The following SBF2 variants were observed in gnomAD, a reference collection of about 807,000 sequenced individuals.
SBF2 encodes myotubularin-related protein 13.
In SBF2, 112 loss-of-function variants were observed where a neutral mutation model predicts 225.2. The observed-to-expected ratio is 0.50, with a 90% CI of 0.43 to 0.58. The LOEUF (loss-of-function observed/expected upper bound fraction) is 0.58. Ranked by LOEUF, SBF2 falls within the 20% of genes least tolerant of loss-of-function variation. The pLI, the probability that SBF2 is intolerant of heterozygous loss-of-function variation, is 0.00. For missense variants in SBF2, 1,996 were observed against 2,206.2 expected (o/e 0.90, Z 1.91); for synonymous variants, 763 against 773.3 (o/e 0.99, Z 0.22).
At chr11:10,050,011 C>T (rs1419990741) in intron 2 of SBF2, among the ~76,000 whole-genome samples, 3 of 152,184 alleles carry the variant, frequency 2.0e-5, no homozygotes, top group Non-Finnish European at 4.4e-5. Context: ...TCTACCACCA[C>T]CACAAACTGC....
intron 16 of SBF2, among the ~76,000 whole-genome samples, chr11:9,901,793 T>C (rs1861739019): frequency 6.6e-6 from 1 of 152,146 alleles, no homozygotes; most frequent in South Asian, 2.1e-4. Flanking sequence ...TACAGGCATG[T>C]GCTACCACGC....
At chr11:10,128,248 G>A (rs935694766) in intron 2 of SBF2, among the ~76,000 whole-genome samples, 7 of 152,216 alleles carry the variant, frequency 4.6e-5, no homozygotes, top group African/African-American at 9.6e-5. Flanking sequence ...CTACCTTCAC[G>A]AAGTCAGGCA....
Position 9,998,164 on chromosome 11 carries a change from A to C in SBF2, c.975+102T>G, listed in dbSNP as rs183273662. ...ATGTTTCAAATATATAGCTCTCTTT[A>C]AATTAAAGTAACAAACTGCATTGAC... is the stretch of plus-strand genomic sequence containing the variant. On this transcript the variant is annotated intron_variant, in intron 9 of 39. Transcript: ENST00000256190. 120 of 720,206 alleles carry C rather than the reference A, an allele frequency of 1.7e-4. No individual in the cohort carries two copies. In the African/African-American group the frequency reaches 2.0e-3, roughly 12 times the overall value. The allele number at this position is 720,206 out of a possible 1,614,324, so 44.6% of individuals were successfully genotyped here.
intron 25 of SBF2, 35 bp from the exon 26 acceptor site, chr11:9,839,731 T>G: frequency 3.8e-6 from 6 of 1,586,218 alleles, no homozygotes; most frequent in Non-Finnish European, 4.3e-6. Context: ...AAGAAATGAT[T>G]AGCTCAAAGC....
intron 13 of SBF2, among the ~76,000 whole-genome samples, chr11:9,972,717 G>A (rs776684968): frequency 5.3e-5 from 8 of 152,106 alleles, no homozygotes; most frequent in South Asian, 2.1e-4. Context: ...TTCTGACCTC[G>A]TGATCCACCA....
chr11:9,829,489 G>C lies in SBF2; in HGVS notation c.3660C>G (p.Thr1220=). Residue 1220 remains threonine (T), a synonymous_variant, in exon 28 of 40, where the codon ACC becomes ACG. Coordinates refer to ENST00000256190, the MANE Select transcript of SBF2 (RefSeq NM_030962.4). Reference sequence around the variant, plus strand: ...TGCTACTGGAAGATTCTAAAGAGGAGGTAGGAGCTATAAAAGGAAAATATA... The same window carrying C: ...TGCTACTGGAAGATTCTAAAGAGGACGTAGGAGCTATAAAAGGAAAATATA... ...KSQNSPQAAP[T]SSLESSSSIE... The C allele has an allele frequency of 1.9e-6, 3 of 1,610,358 alleles. No individual in the cohort carries two copies. Among genetic ancestry groups the C allele is most frequent in the Non-Finnish European group, 2.5e-6 (3 of 1,176,632 alleles).
At chr11:10,021,797 T>C (rs1948869714) in intron 6 of SBF2, among the ~76,000 whole-genome samples, 1 of 152,198 alleles carries the variant, frequency 6.6e-6, no homozygotes, top group African/African-American at 2.4e-5. Flanking sequence ...GGCCTAATAT[T>C]GGCCTTTGAC....
chr11:9,994,029 A>G, intron 9 of SBF2, 31 bp from the exon 10 acceptor site: 1 of 1,154,990 alleles, frequency 8.7e-7, no homozygotes, highest in Non-Finnish European at 1.3e-6. Context: ...TATGTAAAAT[A>G]TCATAATATC....
intron 1 of SBF2, among the ~76,000 whole-genome samples, chr11:10,204,695 C>T (rs1316401699): frequency 4.0e-5 from 6 of 151,438 alleles, no homozygotes; most frequent in Non-Finnish European, 1.5e-5. Flanking sequence ...ATACATGCTA[C>T]GTATCATGGA....
At chr11:10,194,439 G>A (rs916884888) in intron 1 of SBF2, among the ~76,000 whole-genome samples, 3 of 152,074 alleles carry the variant, frequency 2.0e-5, no homozygotes, top group Admixed American at 2.0e-4. Context: ...TTTAGTATCC[G>A]TGAGGGTTCT....
chr11:10,230,850 T>A (rs1230174335), intron 1 of SBF2, among the ~76,000 whole-genome samples: 2 of 152,192 alleles, frequency 1.3e-5, no homozygotes, highest in South Asian at 4.1e-4. Flanking sequence ...AATTTGAATG[T>A]TGGCCTGCCT....
At chr11:10,045,577 G>A (rs577023850) in intron 2 of SBF2, among the ~76,000 whole-genome samples, 4 of 152,332 alleles carry the variant, frequency 2.6e-5, no homozygotes, top group East Asian at 1.9e-4. Flanking sequence ...AGGACTTGGT[G>A]ACCATTGTTT....
chr11:9,794,601 G>A lies in SBF2; in HGVS notation c.4570+1230C>T, dbSNP rs185105100. Among the ~76,000 whole-genome samples the A allele has an allele frequency of 4.2e-5, 6 of 141,988 alleles. No homozygotes were observed. The East Asian group carries it at 1.1e-3, about 26-fold the overall frequency. 93.1% of individuals were successfully genotyped at this position (141,988 alleles called of 152,430 possible). A position where few individuals can be genotyped will look rare whatever the true frequency, so the allele number is the denominator to read the frequency against. On this transcript the variant is annotated intron_variant, in intron 33 of 39. Transcript: ENST00000256190. ...AATTGCCTGAACCTGGGAAATAGAG[G>A]TTGCAGTGAGCCAAGATCGCACCAA...
chr11:10,223,399 T>TTTTATATATATATA (rs1279386744), intron 1 of SBF2, among the ~76,000 whole-genome samples: 46 of 59,244 alleles, frequency 7.8e-4, no homozygotes, highest in Non-Finnish European at 1.4e-3. Flanking sequence ...ATTTTGCACA[T>TTTTATATATATATA]TATATATATA....
rs146576767 is a variant in SBF2, at chr11:10,290,220, G to A, written c.55+3795C>T. On this transcript the variant is annotated intron_variant, in intron 1 of 39. Coordinates refer to ENST00000256190, the MANE Select transcript of SBF2 (RefSeq NM_030962.4). ...CCCTGGGGTGGAGGTGGATCCCTGG[G>A]GTGGAGCTTGTCATATTGTCATAGA... is the stretch of plus-strand genomic sequence containing the variant. Among the ~76,000 whole-genome samples, 4 of 152,174 alleles carry A rather than the reference G, an allele frequency of 2.6e-5. No homozygotes were observed. In the East Asian group the frequency reaches 5.8e-4, roughly 22 times the overall value.
chr11:9,781,422 A>G lies in SBF2; in HGVS notation c.5451+85T>C, dbSNP rs540495601. The stretch of plus-strand genomic sequence containing the variant: ...TGTCATCCATCTGTAGTCACCACCA[A>G]TTACTCTGAGGGCTCCATCATTCTT... On this transcript the variant is annotated intron_variant, in intron 39 of 39. Transcript: ENST00000256190. The G allele has an allele frequency of 1.9e-4, 294 of 1,580,194 alleles. 1 individual carries two copies. The highest frequency in any genetic ancestry group is 2.3e-4 in the Non-Finnish European group (261 of 1,151,764).
At chr11:9,954,174 C>T (rs144870239) in intron 16 of SBF2, among the ~76,000 whole-genome samples, 1 of 152,260 alleles carries the variant, frequency 6.6e-6, no homozygotes, top group East Asian at 1.9e-4. Context: ...TTTGGCAGTA[C>T]TCATGTTCCA....
At chr11:9,806,605 G>A (rs1272331974) in intron 32 of SBF2, among the ~76,000 whole-genome samples, 1 of 152,178 alleles carries the variant, frequency 6.6e-6, no homozygotes, top group East Asian at 1.9e-4. Flanking sequence ...ACTCTTTGCT[G>A]CAAAGAGTTT....
intron 34 of SBF2, 144 bp downstream of exon 34, chr11:9,790,412 G>C (rs1852665847): frequency 1.6e-6 from 1 of 623,308 alleles, no homozygotes; most frequent in South Asian, 2.3e-5. Flanking sequence ...CAAACCTATA[G>C]TGTCTCAAAC....
Sources: gnomAD v4.1 joint callset for allele counts (sites outside exome capture counted in the v4.1 genomes callset) on GRCh38, gnomAD v4.1.1 for gene constraint, MANE v1.5 for transcripts, NCBI Gene and HGNC (gene_info 2026-07-23, HGNC 2026-07-21) for gene names.